The following CHN2 variants were observed in gnomAD, a reference collection of about 807,000 sequenced individuals.
CHN2 encodes chimerin 2.
CHN2 carries 35 observed loss-of-function variants against 56.3 expected under a neutral mutation model. The ratio of observed to expected loss-of-function variants is 0.62; its 90% CI spans 0.47 to 0.82. The LOEUF is 0.82. Among genes scored for constraint, CHN2 ranks in the 40% least tolerant of loss-of-function variants. CHN2 has a pLI of 0.00. For synonymous variants in CHN2, 210 were observed against 212.8 expected, an observed-to-expected ratio of 0.99 and a Z score of 0.12; for missense variants, 491 against 580.5, an observed-to-expected ratio of 0.85 and a Z score of 1.58.
At chr7:29,201,117 G>A (rs1784129242) in intron 1 of CHN2, among the ~76,000 whole-genome samples, 1 of 152,206 alleles carries the variant, frequency 6.6e-6, no homozygotes, top group South Asian at 2.1e-4. Context: ...TTGTACTGCA[G>A]TGTAAAGTAT....
chr7:29,172,356 C>T (rs1169776128), intron 2 of CHN2, among the ~76,000 whole-genome samples: 1 of 152,216 alleles, frequency 6.6e-6, no homozygotes, highest in East Asian at 1.9e-4. Context: ...GTGACTTCTA[C>T]ACCTAGGCTC....
At chr7:29,484,078 C>A (rs941041427) in intron 7 of CHN2, 2 of 418,294 alleles carry the variant, frequency 4.8e-6, no homozygotes, top group Admixed American at 3.3e-5. Context: ...ACCCTCTCTT[C>A]TTCATGGCTT....
At chr7:29,188,727 CTT>C (rs1799017645) in intron 2 of CHN2, among the ~76,000 whole-genome samples, 1 of 152,042 alleles carries the variant, frequency 6.6e-6, no homozygotes, top group Admixed American at 6.6e-5. Context: ...TAGAAATAGT[CTT>C]TGAGGCTTGA....
intron 6 of CHN2, among the ~76,000 whole-genome samples, chr7:29,443,009 C>T (rs933895063): frequency 2.0e-4 from 28 of 142,148 alleles, no homozygotes; most frequent in Middle Eastern, 3.9e-3. Context: ...GGCGCAATCT[C>T]GGCTCACTGC....
chr7:29,302,197 A>G (rs1793728893), intron 1 of CHN2, among the ~76,000 whole-genome samples: 1 of 152,180 alleles, frequency 6.6e-6, no homozygotes, highest in Non-Finnish European at 1.5e-5. Flanking sequence ...CATAACATAA[A>G]TGTTATCATT....
chr7:29,475,269 T>C (rs1418252623), intron 6 of CHN2, among the ~76,000 whole-genome samples: 1 of 152,190 alleles, frequency 6.6e-6, no homozygotes, highest in Non-Finnish European at 1.5e-5. Flanking sequence ...TGAGCTTATG[T>C]CACCATTTAT....
chr7:29,499,015 C>T (rs1324046182), intron 8 of CHN2, among the ~76,000 whole-genome samples: 1 of 152,112 alleles, frequency 6.6e-6, no homozygotes, highest in Non-Finnish European at 1.5e-5. Context: ...CTGCCTCGGC[C>T]TCCCAAAGTG....
chr7:29,510,808 G>A (rs1312925193), intron 12 of CHN2, among the ~76,000 whole-genome samples: 2 of 152,176 alleles, frequency 1.3e-5, no homozygotes, highest in Admixed American at 1.3e-4. Context: ...ATTCCAGGAG[G>A]CATGGATCGC....
intron 6 of CHN2, among the ~76,000 whole-genome samples, chr7:29,409,108 G>C (rs187163526): frequency 1.3e-5 from 2 of 152,184 alleles, no homozygotes; most frequent in Admixed American, 1.3e-4. Context: ...GTGGCTTGGG[G>C]TGTCTGTTCT....
At chr7:29,344,510 C>G (rs1797276102) in intron 1 of CHN2, among the ~76,000 whole-genome samples, 1 of 152,158 alleles carries the variant, frequency 6.6e-6, no homozygotes, top group Admixed American at 6.5e-5. Context: ...AGCTGAGACA[C>G]TTCTGGCTCT....
At chr7:29,382,064 T>A (rs1403245658) in intron 3 of CHN2, among the ~76,000 whole-genome samples, 1 of 152,182 alleles carries the variant, frequency 6.6e-6, no homozygotes, top group Non-Finnish European at 1.5e-5. Context: ...ATATAACTGA[T>A]CTTACCTCTT....
At chr7:29,260,385 T>C (rs867564224) in intron 1 of CHN2, among the ~76,000 whole-genome samples, 1 of 152,234 alleles carries the variant, frequency 6.6e-6, no homozygotes, top group South Asian at 2.1e-4. Context: ...TACATGTGAT[T>C]AATTTTGTCA....
At chr7:29,509,554 A>G (rs1346491788) in intron 12 of CHN2, 148 bp downstream of exon 12, 3 of 601,980 alleles carry the variant, frequency 5.0e-6, no homozygotes, top group Non-Finnish European at 2.9e-6. Flanking sequence ...TATCATCCCT[A>G]TGAAAGGGGC....
chr7:29,503,320 C>T (rs1039914224), intron 9 of CHN2, among the ~76,000 whole-genome samples: 1 of 152,202 alleles, frequency 6.6e-6, no homozygotes, highest in Non-Finnish European at 1.5e-5. Flanking sequence ...AGAAAGAGAG[C>T]CTCACCAGAG....
At chr7:29,360,731 A>G (rs982062719) in intron 2 of CHN2, among the ~76,000 whole-genome samples, 1 of 152,166 alleles carries the variant, frequency 6.6e-6, no homozygotes, top group Admixed American at 6.5e-5. Flanking sequence ...TCCTGGGTCC[A>G]TATACCCTCC....
intron 1 of CHN2, among the ~76,000 whole-genome samples, chr7:29,223,136 A>G (rs933409785): frequency 2.0e-5 from 3 of 152,172 alleles, no homozygotes; most frequent in Admixed American, 1.3e-4. Flanking sequence ...AGAAATGCAA[A>G]TAAAAATAAC....
intron 6 of CHN2, among the ~76,000 whole-genome samples, chr7:29,438,954 A>C (rs1783435983): frequency 6.6e-6 from 1 of 152,198 alleles, no homozygotes; most frequent in Non-Finnish European, 1.5e-5. Flanking sequence ...CTATTATCTT[A>C]GTTTCACTGA....
intron 1 of CHN2, among the ~76,000 whole-genome samples, chr7:29,323,975 G>T (rs1240128097): frequency 4.6e-5 from 7 of 151,932 alleles, no homozygotes; most frequent in Non-Finnish European, 1.0e-4. Context: ...CTGCACTCCA[G>T]CCTGGGCGAC....
At chr7:29,325,846 G>A (rs1291703820) in intron 1 of CHN2, among the ~76,000 whole-genome samples, 1 of 152,124 alleles carries the variant, frequency 6.6e-6, no homozygotes, top group East Asian at 1.9e-4. Context: ...ATGTTTGCAG[G>A]AACTGAAGTA....
Sources: gnomAD v4.1 joint callset for allele counts (sites outside exome capture counted in the v4.1 genomes callset) on GRCh38, gnomAD v4.1.1 for gene constraint, MANE v1.5 for transcripts, NCBI Gene and HGNC (gene_info 2026-07-23, HGNC 2026-07-21) for gene names.